Variants in HTRA3 observed in about 807,000 individuals in gnomAD.
HTRA3 encodes serine protease HTRA3.
Under a neutral mutation model 43.2 loss-of-function variants are expected in HTRA3, and 41 were observed. That is an observed-to-expected ratio of 0.95 (90% confidence interval 0.74 to 1.23). The LOEUF (loss-of-function observed/expected upper bound fraction) is 1.23. HTRA3 is among the 50% of genes most tolerant of loss of function. The pLI is 0.00. For missense variants in HTRA3, 628 were observed against 647.1 expected (o/e 0.97, Z 0.32); for synonymous variants, 295 against 287.9 (o/e 1.02, Z -0.25).
chr4:8,271,974 C>T (rs1015317027), intron 1 of HTRA3, among the ~76,000 whole-genome samples: 11 of 152,138 alleles, frequency 7.2e-5, no homozygotes, highest in Non-Finnish European at 1.2e-4. Context: ...GTCTTGGAGA[C>T]GTTGTCATTG....
chr4:8,292,999 G>A (rs983921622), intron 5 of HTRA3, among the ~76,000 whole-genome samples: 1 of 152,186 alleles, frequency 6.6e-6, no homozygotes, highest in Non-Finnish European at 1.5e-5. Flanking sequence ...AACAGCCATC[G>A]AGATTGAGGA....
chr4:8,269,980 A>G lies in HTRA3; in HGVS notation c.12A>G (p.Arg4=). Residue 4 remains arginine (R), a synonymous_variant, in exon 1 of 9, where the codon CGA becomes CGG. Coordinates refer to ENST00000307358, the MANE Select transcript of HTRA3 (RefSeq NM_053044.5). MQA[R]ALLLAALAAL... is the part of the protein sequence containing the mutation. Reference sequence around the variant, plus strand: ...CCGGCCCTGCCGCCATGCAGGCGCGAGCGCTGCTCCTGGCCGCGTTGGCCG... The same window carrying G: ...CCGGCCCTGCCGCCATGCAGGCGCGGGCGCTGCTCCTGGCCGCGTTGGCCG... The G allele has an allele frequency of 8.3e-7, 1 of 1,210,554 alleles. No individual in the cohort carries two copies. The highest frequency in any genetic ancestry group is 1.0e-6 in the Non-Finnish European group (1 of 976,576). 75.0% of individuals were successfully genotyped at this position (1,210,554 alleles called of 1,614,324 possible).
At chr4:8,304,643 G>GTTTT (rs140790982) in intron 8 of HTRA3, among the ~76,000 whole-genome samples, 22 of 62,722 alleles carry the variant, frequency 3.5e-4, no homozygotes, top group Admixed American at 7.8e-4. Context: ...TCAGCCTATT[G>GTTTT]TTTTTTTTTT....
In HTRA3 at chr4:8,286,001, C is replaced by T. The variant is rs1366447863; in HGVS notation, c.486-560C>T. On this transcript the variant is annotated intron_variant, in intron 2 of 8. Coordinates refer to ENST00000307358, the MANE Select transcript of HTRA3 (RefSeq NM_053044.5). This position sits in a 1 kb window ranked among gnomAD's most constrained non-coding sequence, Gnocchi z 4.9. ...CCCAGCCTCTGGGGAGCCTCCCTTC[C>T]TGGGTACCTGCTGCAGCCCTGCAGG... Among the ~76,000 whole-genome samples the T allele has an allele frequency of 6.6e-6, 1 of 152,244 alleles. No individual in the cohort carries two copies. Among genetic ancestry groups the T allele is most frequent in the Non-Finnish European group, 1.5e-5 (1 of 68,034 alleles).
chr4:8,285,323 G>A (rs1712912425), intron 2 of HTRA3, among the ~76,000 whole-genome samples: 5 of 152,202 alleles, frequency 3.3e-5, no homozygotes, highest in African/African-American at 1.2e-4. Flanking sequence ...AGCATTCAAT[G>A]GCCTGCCTGC....
intron 5 of HTRA3, among the ~76,000 whole-genome samples, chr4:8,292,698 C>T (rs570755374): frequency 9.2e-5 from 14 of 152,346 alleles, no homozygotes; most frequent in Non-Finnish European, 2.9e-5. Context: ...CAGGGGCACC[C>T]TCATTCTCCC....
chr4:8,284,519 T>A lies in HTRA3; in HGVS notation c.485+1983T>A, dbSNP rs1712882397. 2.0e-5 allele frequency among the ~76,000 whole-genome samples: 3 copies of A among 152,296 alleles called. No individual in the cohort carries two copies. In the South Asian group the frequency reaches 6.2e-4, roughly 32 times the overall value. On this transcript the variant is annotated intron_variant, in intron 2 of 8. Coordinates refer to ENST00000307358, the MANE Select transcript of HTRA3 (RefSeq NM_053044.5). ...GGCCTCCCGGCTGTGACCCCTGACC[T>A]GAGGTCTGAGTGTGGGCATGGAGGC... is the stretch of plus-strand genomic sequence containing the variant.
At chr4:8,305,292 G>A (rs77791289) in intron 8 of HTRA3, among the ~76,000 whole-genome samples, 1,762 of 152,376 alleles carry the variant, frequency 0.012, 26 homozygotes, top group African/African-American at 0.041. Flanking sequence ...TGTCCTGCCC[G>A]CAGCAGGCCT....
At chr4:8,285,725 C>T (rs7657844) in intron 2 of HTRA3, among the ~76,000 whole-genome samples, 92,455 of 152,122 alleles carry the variant, frequency 0.61, 28,670 homozygotes, top group East Asian at 0.81. Flanking sequence ...TGTTGCCCAT[C>T]GGCAGACACC....
intron 2 of HTRA3, among the ~76,000 whole-genome samples, chr4:8,284,214 C>T (rs1327056699): frequency 6.6e-6 from 1 of 152,200 alleles, no homozygotes; most frequent in Non-Finnish European, 1.5e-5. Context: ...CTTGGCAGCA[C>T]ACTGACCCCT....
At position 8,302,192 on chromosome 4, in the gene HTRA3, C is replaced by T. The variant is rs571978607; in HGVS notation, c.1052-271C>T. On this transcript the variant is annotated intron_variant, in intron 6 of 8. Coordinates refer to ENST00000307358, the MANE Select transcript of HTRA3 (RefSeq NM_053044.5). ...GGAGCTCAGCTGGGAGAGCAGATGT[C>T]GGAGCTCACATGGTTGGATGCAGGA... Among the ~76,000 whole-genome samples, 4 of 152,252 alleles carry T rather than the reference C, an allele frequency of 2.6e-5. No homozygotes were observed. In the East Asian group the frequency reaches 5.8e-4, roughly 22 times the overall value.
intron 8 of HTRA3, among the ~76,000 whole-genome samples, chr4:8,305,393 A>G (rs989369814): frequency 2.0e-5 from 3 of 152,246 alleles, no homozygotes; most frequent in African/African-American, 7.2e-5. Flanking sequence ...TCCTGCCCTC[A>G]CCCATTTTAC....
chr4:8,303,722 G>A (rs1053091550), intron 7 of HTRA3, among the ~76,000 whole-genome samples: 1 of 151,812 alleles, frequency 6.6e-6, no homozygotes, highest in African/African-American at 2.4e-5. Context: ...TCTTCTGTCT[G>A]TCTGTTCCAT....
chr4:8,298,708 C>T lies in HTRA3; in HGVS notation c.1052-3755C>T, dbSNP rs984083695. Among the ~76,000 whole-genome samples the T allele has an allele frequency of 2.6e-5, 4 of 152,236 alleles. No homozygotes were observed. In the South Asian group the frequency reaches 8.3e-4, roughly 32 times the overall value. On this transcript the variant is annotated intron_variant, in intron 6 of 8. Transcript: ENST00000307358. ...TGCAAAGTATAGATCGAGGTTTGGGCGTTTTTGTTATTTTTGCCTTGGAAA... is the reference window on the plus strand; with the variant it reads ...TGCAAAGTATAGATCGAGGTTTGGGTGTTTTTGTTATTTTTGCCTTGGAAA...
chr4:8,304,312 TG>T, intron 8 of HTRA3, 33 bp downstream of exon 8: 1 of 1,576,378 alleles, frequency 6.3e-7, no homozygotes, highest in Non-Finnish European at 8.7e-7. Context: ...GCTCGAGGCA[TG>T]GGGCAGGCGT....
intron 7 of HTRA3, 74 bp downstream of exon 7, chr4:8,302,585 T>C (rs2153007293): frequency 1.4e-6 from 2 of 1,456,850 alleles, no homozygotes; most frequent in Non-Finnish European, 1.9e-6. Flanking sequence ...CTCCAGACCC[T>C]GGCTGGCTGT....
At chr4:8,283,765 G>A (rs1453269151) in intron 2 of HTRA3, among the ~76,000 whole-genome samples, 1 of 152,234 alleles carries the variant, frequency 6.6e-6, no homozygotes, top group African/African-American at 2.4e-5. Context: ...GGACTTGCTT[G>A]TTTTCACGGT....
Position 8,271,684 on chromosome 4 carries a change from G to A in HTRA3, c.385+1331G>A, listed in dbSNP as rs80186066. ...TGTCTGGTGAGGGCTGCACTCTGCG[G>A]AAGGGAGGAAGCTGCGTCTTCACAC... On this transcript the variant is annotated intron_variant, in intron 1 of 8. Coordinates refer to ENST00000307358, the MANE Select transcript of HTRA3 (RefSeq NM_053044.5). Among the ~76,000 whole-genome samples the A allele has an allele frequency of 4.0e-3, 609 of 152,330 alleles. 4 individuals are homozygous for A. Among genetic ancestry groups the A allele is most frequent in the African/African-American group, 0.014 (582 of 41,568 alleles).
chr4:8,273,861 T>G (rs1343681786), intron 1 of HTRA3, among the ~76,000 whole-genome samples: 1 of 145,748 alleles, frequency 6.9e-6, no homozygotes, highest in Non-Finnish European at 1.5e-5. Context: ...GCTGTGTGGA[T>G]GGGGGCCCTT....
Sources: allele counts gnomAD v4.1 joint callset (sites outside exome capture counted in the v4.1 genomes callset), GRCh38; gene constraint gnomAD v4.1.1; non-coding constraint Gnocchi (gnomAD v3.1); transcripts MANE v1.5; gene names NCBI Gene and HGNC (gene_info 2026-07-23, HGNC 2026-07-21).